Variants in GNA12 observed in about 807,000 individuals in gnomAD.
GNA12 encodes the protein guanine nucleotide-binding protein subunit alpha-12.
A neutral mutation model predicts 26.0 loss-of-function variants in GNA12; 9 were observed. The observed-to-expected ratio is 0.35, with a 90% CI of 0.21 to 0.60. The LOEUF (loss-of-function observed/expected upper bound fraction) is 0.60, where lower values mean the gene tolerates loss of function less well. GNA12 is among the 20% of genes least tolerant of loss of function. GNA12 has a pLI of 0.78. For missense variants in GNA12, 405 were observed against 525.8 expected, an observed-to-expected ratio of 0.77 and a Z score of 2.25; for synonymous variants, 264 against 219.6, an observed-to-expected ratio of 1.20 and a Z score of -1.79.
At chr7:2,783,649 CATTTATTT>C (rs60404277) in intron 2 of GNA12, among the ~76,000 whole-genome samples, 6,483 of 138,618 alleles carry the variant, frequency 0.047, 173 homozygotes, top group African/African-American at 0.053. Flanking sequence ...GGCTGTAACA[CATTTATTT>C]ATTTATTTAT....
intron 1 of GNA12, among the ~76,000 whole-genome samples, chr7:2,808,031 G>A (rs1379363038): frequency 6.6e-5 from 10 of 152,258 alleles, no homozygotes; most frequent in Non-Finnish European, 1.0e-4. Flanking sequence ...TCAGGCTGCT[G>A]CTTAATGAAG....
intron 2 of GNA12, among the ~76,000 whole-genome samples, chr7:2,788,700 TG>T (rs1792428577): frequency 6.6e-6 from 1 of 152,338 alleles, no homozygotes; most frequent in South Asian, 2.1e-4. Flanking sequence ...AAGAAGCAGA[TG>T]GGGTGATGAA....
chr7:2,763,219 C>CACACAG, intron 2 of GNA12: 1 of 416,222 alleles, frequency 2.4e-6, no homozygotes. Flanking sequence ...CACACACACA[C>CACACAG]ACACACACAC....
chr7:2,810,388 C>T lies in GNA12; in HGVS notation c.310-15245G>A, dbSNP rs553095557. Among the ~76,000 whole-genome samples, 8 of 152,278 alleles carry T rather than the reference C, an allele frequency of 5.3e-5. No individual in the cohort carries two copies. The South Asian group carries it at 1.7e-3, about 32-fold the overall frequency. On this transcript the variant is annotated intron_variant, in intron 1 of 3. Coordinates refer to ENST00000275364, the MANE Select transcript of GNA12 (RefSeq NM_007353.3). ...TCCCCAAAGGCCCCACCCCCTAACA[C>T]CAGCACCTTAAGGGTTAGGATTTCA...
intron 3 of GNA12, 135 bp downstream of exon 3, chr7:2,733,316 C>T (rs1789994008): frequency 2.7e-6 from 2 of 727,838 alleles, no homozygotes; most frequent in Non-Finnish European, 4.9e-6. Context: ...CATTACAGTA[C>T]TATTCGTGGT....
chr7:2,730,858 CAATT>C lies in GNA12; in HGVS notation c.*319_*322del, dbSNP rs151244040. The C allele has an allele frequency of 0.44, 135,732 of 311,262 alleles. 31,202 individuals are homozygous for C. The highest frequency in any genetic ancestry group is 0.6 in the African/African-American group (28,733 of 47,768). The allele number at this position is 311,262 out of a possible 1,614,324, so 19.3% of individuals were successfully genotyped here. A position where few individuals can be genotyped will look rare whatever the true frequency, so the allele number is the denominator to read the frequency against. On this transcript the variant is annotated 3_prime_UTR_variant, in exon 4 of 4. Transcript: ENST00000275364. ...ACACATACACACACAACACGGTCCT[CAATT>C]AAACTGCGTCAGAAAAAGAGGAACG... is the stretch of plus-strand genomic sequence containing the variant.
intron 2 of GNA12, among the ~76,000 whole-genome samples, chr7:2,737,277 T>TTGG (rs1355722823): frequency 1.5e-5 from 1 of 67,616 alleles, no homozygotes; most frequent in African/African-American, 6.6e-5. Context: ...TTGTTTTGTT[T>TTGG]TTTTTTTTTT....
chr7:2,815,192 G>A (rs1052637922), intron 1 of GNA12: 11 of 439,682 alleles, frequency 2.5e-5, no homozygotes, highest in South Asian at 1.2e-4. Context: ...CCTGCGGTCC[G>A]GCACTGTGAG....
chr7:2,833,108 T>C lies in GNA12; in HGVS notation c.309+10745A>G, dbSNP rs1353142186. 4.6e-5 allele frequency among the ~76,000 whole-genome samples: 7 copies of C among 152,182 alleles called. No homozygotes were observed. The South Asian group carries it at 1.2e-3, about 27-fold the overall frequency. On this transcript the variant is annotated intron_variant, in intron 1 of 3. Coordinates refer to ENST00000275364, the MANE Select transcript of GNA12 (RefSeq NM_007353.3). The stretch of plus-strand genomic sequence containing the variant: ...CTTTTAGGATTAAAAGGCAATCCGG[T>C]GGTCCTGAGCAGCTGCTCTGTCCAG...
chr7:2,787,242 C>T (rs1463501607), intron 2 of GNA12, among the ~76,000 whole-genome samples: 3 of 152,176 alleles, frequency 2.0e-5, no homozygotes, highest in Non-Finnish European at 2.9e-5. Context: ...TCACCGCCTC[C>T]GTCACCGTCA....
chr7:2,802,539 C>T (rs1792836390), intron 1 of GNA12, among the ~76,000 whole-genome samples: 1 of 151,986 alleles, frequency 6.6e-6, no homozygotes, highest in Non-Finnish European at 1.5e-5. Flanking sequence ...TAAAATCTTC[C>T]CACAATAAAT....
At chr7:2,753,895 T>G (rs1214100575) in intron 2 of GNA12, among the ~76,000 whole-genome samples, 1 of 152,170 alleles carries the variant, frequency 6.6e-6, no homozygotes, top group Non-Finnish European at 1.5e-5. Context: ...AAGGATCATC[T>G]CAATGTGGCA....
rs946889730 is a variant in GNA12, at chr7:2,750,926, G to A, written c.526-17425C>T. The stretch of plus-strand genomic sequence containing the variant: ...AAGGTGGACAGATGGGAACAGAAGC[G>A]AGAGATATGCACACTCCAGGAGTGG... On this transcript the variant is annotated intron_variant, in intron 2 of 3. Transcript: ENST00000275364. 2.6e-5 allele frequency among the ~76,000 whole-genome samples: 4 copies of A among 152,162 alleles called. No individual in the cohort carries two copies. The South Asian group carries it at 8.3e-4, about 31-fold the overall frequency.
At chr7:2,759,414 T>C (rs915167720) in intron 2 of GNA12, among the ~76,000 whole-genome samples, 1 of 152,172 alleles carries the variant, frequency 6.6e-6, no homozygotes, top group African/African-American at 2.4e-5. Context: ...CGGTGTGTTA[T>C]TACTGTTCTG....
intron 1 of GNA12, among the ~76,000 whole-genome samples, chr7:2,817,777 C>A (rs6978692): frequency 6.6e-6 from 1 of 151,988 alleles, no homozygotes; most frequent in Non-Finnish European, 1.5e-5. Context: ...GGGAGGAGAA[C>A]GGAACATAGA....
chr7:2,783,895 G>C (rs1427312855), intron 2 of GNA12, among the ~76,000 whole-genome samples: 1 of 151,864 alleles, frequency 6.6e-6, no homozygotes, highest in Non-Finnish European at 1.5e-5. Flanking sequence ...ACATTGGCCA[G>C]GCTGGTCTCA....
intron 2 of GNA12, chr7:2,794,581 C>T: frequency 3.8e-6 from 1 of 265,862 alleles, no homozygotes; most frequent in Non-Finnish European, 7.2e-6. Flanking sequence ...CCCACAGGTC[C>T]AAAGTGGGAA....
At chr7:2,842,104 A>G (rs1425569171) in intron 1 of GNA12, among the ~76,000 whole-genome samples, 5 of 135,708 alleles carry the variant, frequency 3.7e-5, no homozygotes, top group Admixed American at 7.4e-5. Flanking sequence ...GAAGGAAAGG[A>G]AGGAAGGGAA....
chr7:2,795,929 T>G (rs967551886), intron 1 of GNA12, among the ~76,000 whole-genome samples: 1 of 151,748 alleles, frequency 6.6e-6, no homozygotes, highest in African/African-American at 2.4e-5. Flanking sequence ...CAAGCAATTC[T>G]CCTGCCTCAG....
Sources: gnomAD v4.1 joint callset for allele counts (sites outside exome capture counted in the v4.1 genomes callset) on GRCh38, gnomAD v4.1.1 for gene constraint, MANE v1.5 for transcripts, NCBI Gene and HGNC (gene_info 2026-07-23, HGNC 2026-07-21) for gene names.